Variants in HSDL2 observed in about 807,000 individuals in gnomAD.
HSDL2 encodes the protein hydroxysteroid dehydrogenase-like protein 2.
Under a neutral mutation model 46.3 loss-of-function variants are expected in HSDL2, and 27 were observed. That is an observed-to-expected ratio of 0.58 (90% CI 0.43 to 0.80). HSDL2 has a LOEUF of 0.80. HSDL2 is among the 30% of genes least tolerant of loss of function. HSDL2 has a pLI of 0.00. For synonymous variants in HSDL2, 153 were observed against 163.6 expected, an observed-to-expected ratio of 0.94 and a Z score of 0.50; for missense variants, 451 against 502.7, an observed-to-expected ratio of 0.90 and a Z score of 0.98.
At chr9:112,400,429 A>G (rs1831562872) in intron 1 of HSDL2, among the ~76,000 whole-genome samples, 1 of 152,204 alleles carries the variant, frequency 6.6e-6, no homozygotes, top group Non-Finnish European at 1.5e-5. Context: ...CAACATGGTG[A>G]AACCCCATCT....
intron 1 of HSDL2, among the ~76,000 whole-genome samples, chr9:112,385,263 A>G (rs1053459503): frequency 5.3e-5 from 8 of 152,222 alleles, no homozygotes; most frequent in African/African-American, 1.9e-4. Context: ...TAGGCCAGAA[A>G]TTAATGAAGC....
intron 8 of HSDL2, among the ~76,000 whole-genome samples, chr9:112,444,741 AAAAC>A (rs1381127477): frequency 6.6e-6 from 1 of 152,236 alleles, no homozygotes; most frequent in Non-Finnish European, 1.5e-5. Flanking sequence ...CCTGTCTCAA[AAAAC>A]AAACAAACGA....
intron 6 of HSDL2, chr9:112,433,799 C>T (rs914025644): frequency 3.9e-5 from 6 of 152,176 alleles, no homozygotes; most frequent in African/African-American, 1.4e-4. Context: ...AAGTAATCTC[C>T]CAACATTATT....
chr9:112,438,763 G>A, intron 7 of HSDL2, 138 bp downstream of exon 7: 2 of 552,786 alleles, frequency 3.6e-6, no homozygotes, highest in South Asian at 3.1e-5. Flanking sequence ...AATGAAGGAA[G>A]AAAACCCATA....
At chr9:112,443,356 A>G (rs1174275130) in intron 8 of HSDL2, among the ~76,000 whole-genome samples, 5 of 152,200 alleles carry the variant, frequency 3.3e-5, no homozygotes, top group African/African-American at 1.2e-4. Flanking sequence ...AATACCATTA[A>G]TCCCCAAGAC....
In HSDL2 at chr9:112,438,483, G is replaced by A. The variant is rs770591902; in HGVS notation, c.651G>A (p.Gln217=). Residue 217 remains glutamine, a synonymous_variant, in exon 7 of 11, where the codon CAG becomes CAA. Coordinates refer to ENST00000398805, the MANE Select transcript of HSDL2 (RefSeq NM_032303.5). The stretch of plus-strand genomic sequence containing the variant: ...TGGGAGGACCTGGTATCGAAAGCCA[G>A]TGTAGAAAAGTTGATATCATTGCAG... ...DMLGGPGIES[Q]CRKVDIIADA... 3 of 1,611,030 alleles carry A rather than the reference G, an allele frequency of 1.9e-6. No individual in the cohort carries two copies. The highest frequency in any genetic ancestry group is 2.5e-6 in the Non-Finnish European group (3 of 1,178,936).
At chr9:112,425,328 A>G (rs1832221380) in intron 6 of HSDL2, among the ~76,000 whole-genome samples, 1 of 152,190 alleles carries the variant, frequency 6.6e-6, no homozygotes, top group Non-Finnish European at 1.5e-5. Context: ...TCTCCATGTA[A>G]GTTTTTAAAT....
In HSDL2 at chr9:112,404,119, C is replaced by T; in HGVS notation, c.142C>T (p.Pro48Ser). 3.1e-6 allele frequency: 5 copies of T among 1,614,122 alleles called. No individual in the cohort carries two copies. The highest frequency in any genetic ancestry group is 4.2e-6 in the Non-Finnish European group (5 of 1,179,996). The change falls in exon 2 of 11, where the codon CCA becomes TCA. Residue 48 changes from proline to serine, a missense_variant. Pro to Ser is a moderately conservative substitution (Grantham distance 74). Transcript: ENST00000398805. ...TGCTGCAAAGACCGCCCAGCCACAT[C>T]CAAAACTTCTAGGCACAATCTATAC... ...VIAAKTAQPH[P>S]KLLGTIYTAA...
chr9:112,435,911 TA>T (rs1832513813), intron 6 of HSDL2, among the ~76,000 whole-genome samples: 2 of 151,856 alleles, frequency 1.3e-5, no homozygotes, highest in African/African-American at 2.4e-5. Flanking sequence ...ATTTTTTTTT[TA>T]TTATTAATAA....
At chr9:112,442,764 T>C (rs1332803539) in intron 8 of HSDL2, among the ~76,000 whole-genome samples, 1 of 152,082 alleles carries the variant, frequency 6.6e-6, no homozygotes, top group Non-Finnish European at 1.5e-5. Context: ...TTTAGAAGTC[T>C]GATAGAAAAT....
chr9:112,420,161 C>T (rs1832086705), intron 6 of HSDL2, among the ~76,000 whole-genome samples: 2 of 151,958 alleles, frequency 1.3e-5, no homozygotes, highest in East Asian at 3.9e-4. Flanking sequence ...GGTAGCATGG[C>T]AAAACCCCGT....
At chr9:112,449,236 G>A (rs1293909642) in intron 8 of HSDL2, among the ~76,000 whole-genome samples, 4 of 151,678 alleles carry the variant, frequency 2.6e-5, no homozygotes, top group East Asian at 1.9e-4. Flanking sequence ...ACAGGTGCAC[G>A]CCACCATGCC....
At chr9:112,384,902 G>C (rs371225460) in intron 1 of HSDL2, among the ~76,000 whole-genome samples, 50 of 151,876 alleles carry the variant, frequency 3.3e-4, no homozygotes, top group African/African-American at 1.2e-3. Flanking sequence ...AAGAAAAACA[G>C]GAACTTTGCA....
chr9:112,460,409 C>T (rs1191882495), intron 10 of HSDL2, among the ~76,000 whole-genome samples: 1 of 152,202 alleles, frequency 6.6e-6, no homozygotes, highest in Admixed American at 6.5e-5. Context: ...AGCATTTCTT[C>T]AACTTTTCCC....
intron 1 of HSDL2, among the ~76,000 whole-genome samples, chr9:112,395,550 G>C (rs993339053): frequency 3.9e-5 from 6 of 152,176 alleles, no homozygotes; most frequent in Non-Finnish European, 8.8e-5. Context: ...CATTGATAAT[G>C]AGCTGCAGGC....
chr9:112,424,178 G>A (rs1275567648), intron 6 of HSDL2, among the ~76,000 whole-genome samples: 4 of 151,760 alleles, frequency 2.6e-5, no homozygotes, highest in African/African-American at 9.6e-5. Flanking sequence ...AAAATTAGCC[G>A]GGCATAGTGG....
intron 1 of HSDL2, among the ~76,000 whole-genome samples, chr9:112,382,234 C>T (rs1232790687): frequency 6.6e-6 from 1 of 152,142 alleles, no homozygotes; most frequent in African/African-American, 2.4e-5. Context: ...CCCTGCCCTC[C>T]ACCCTGCGAG....
At chr9:112,428,767 A>G (rs969279222) in intron 6 of HSDL2, among the ~76,000 whole-genome samples, 2 of 152,184 alleles carry the variant, frequency 1.3e-5, no homozygotes, top group Admixed American at 6.5e-5. Context: ...CCCTTTCTCA[A>G]TTACCCTTCC....
At chr9:112,399,137 TTC>T (rs1831530673) in intron 1 of HSDL2, among the ~76,000 whole-genome samples, 1 of 152,216 alleles carries the variant, frequency 6.6e-6, no homozygotes, top group Admixed American at 6.5e-5. Flanking sequence ...TCTTTCTATT[TTC>T]TGTGTCAGCT....
Sources: gnomAD v4.1 joint callset for allele counts (sites outside exome capture counted in the v4.1 genomes callset) on GRCh38, gnomAD v4.1.1 for gene constraint, MANE v1.5 for transcripts, NCBI Gene and HGNC (gene_info 2026-07-23, HGNC 2026-07-21) for gene names.